The following PPIG variants were observed in gnomAD, a reference collection of about 807,000 sequenced individuals.
PPIG encodes peptidylprolyl isomerase G, also known as peptidyl-prolyl cis-trans isomerase G.
A neutral mutation model predicts 87.9 loss-of-function variants in PPIG; 26 were observed. The observed-to-expected ratio is 0.30, with a 90% CI of 0.22 to 0.41. PPIG has a LOEUF of 0.41. Among genes scored for constraint, PPIG ranks in the 10% least tolerant of loss-of-function variants. PPIG has a pLI of 1.00. For missense variants in PPIG, 722 were observed against 879.4 expected (o/e 0.82, Z 2.26); for synonymous variants, 308 against 276.5 (o/e 1.11, Z -1.13).
intron 9 of PPIG, among the ~76,000 whole-genome samples, chr2:169,627,391 C>T (rs902271388): frequency 7.9e-5 from 12 of 152,208 alleles, no homozygotes; most frequent in African/African-American, 2.7e-4. Context: ...GCCACTGCAC[C>T]CAGACTTTTC....
chr2:169,586,619 A>C (rs114827660), intron 1 of PPIG, among the ~76,000 whole-genome samples: 324 of 152,256 alleles, frequency 2.1e-3, no homozygotes, highest in African/African-American at 7.4e-3. Context: ...ATTTTGCCTT[A>C]AATTAGATTT....
Position 169,600,076 on chromosome 2 carries a change from A to C in PPIG, c.-69-3566A>C, listed in dbSNP as rs1685137397. 2.1e-5 allele frequency among the ~76,000 whole-genome samples: 3 copies of C among 140,270 alleles called. No homozygotes were observed. The South Asian group carries it at 6.8e-4, about 32-fold the overall frequency. 92.0% of individuals were successfully genotyped at this position (140,270 alleles called of 152,430 possible). A position where few individuals can be genotyped will look rare whatever the true frequency, so the allele number is the denominator to read the frequency against. On this transcript the variant is annotated intron_variant, in intron 1 of 13. Coordinates refer to ENST00000260970, the MANE Select transcript of PPIG (RefSeq NM_004792.3). ...GTACACATTTTGTGAGAGGAAAAAAAAATTTTTTTTTTTTTTTTGAAACGG... is the reference window on the plus strand; with the variant it reads ...GTACACATTTTGTGAGAGGAAAAAACAATTTTTTTTTTTTTTTTGAAACGG...
chr2:169,606,205 G>A (rs953474517), intron 5 of PPIG, 59 bp downstream of exon 5: 1 of 1,266,732 alleles, frequency 7.9e-7, no homozygotes, highest in Non-Finnish European at 1.2e-6. Flanking sequence ...CTCAAAGTTA[G>A]ACAAGTCCCT....
At position 169,637,743 on chromosome 2, in the gene PPIG, C is replaced by T. The variant is rs1405197522; in HGVS notation, c.*220C>T. The T allele has an allele frequency of 2.1e-6, 1 of 479,612 alleles. No homozygotes were observed. The highest frequency in any genetic ancestry group is 2.0e-5 in the African/African-American group (1 of 50,440). 29.7% of individuals were successfully genotyped at this position (479,612 alleles called of 1,614,324 possible). ...TTTAATAAACTCGACATGAGAAAAA[C>T]ACTTTGGTGTAGTACTGTGTGCTGT... On this transcript the variant is annotated 3_prime_UTR_variant, in exon 14 of 14. Coordinates refer to ENST00000260970, the MANE Select transcript of PPIG (RefSeq NM_004792.3).
intron 9 of PPIG, among the ~76,000 whole-genome samples, chr2:169,630,265 G>A (rs1218644860): frequency 6.6e-6 from 1 of 151,798 alleles, no homozygotes; most frequent in Non-Finnish European, 1.5e-5. Context: ...ACTTCCCTCT[G>A]TTATGAGTCT....
chr2:169,604,760 G>A (rs755004871), intron 4 of PPIG, among the ~76,000 whole-genome samples: 1 of 151,780 alleles, frequency 6.6e-6, no homozygotes, highest in Non-Finnish European at 1.5e-5. Context: ...TGTAGTCCCA[G>A]CTATTTGGGA....
At chr2:169,592,184 C>A (rs1347915800) in intron 1 of PPIG, among the ~76,000 whole-genome samples, 1 of 150,450 alleles carries the variant, frequency 6.6e-6, no homozygotes, top group Non-Finnish European at 1.5e-5. Flanking sequence ...CTTAATTTTC[C>A]CCTGAATCAT....
chr2:169,634,391 C>G (rs1574466207), intron 12 of PPIG, among the ~76,000 whole-genome samples: 1 of 152,196 alleles, frequency 6.6e-6, no homozygotes, highest in East Asian at 1.9e-4. Flanking sequence ...ACTGTAGTAC[C>G]TCAGGGTTCC....
At position 169,586,944 on chromosome 2, in the gene PPIG, A is replaced by T. The variant is rs1300030592; in HGVS notation, c.-70+2454A>T. Among the ~76,000 whole-genome samples the T allele has an allele frequency of 5.3e-5, 8 of 151,744 alleles. No individual in the cohort carries two copies. In the East Asian group the frequency reaches 1.6e-3, roughly 29 times the overall value. ...GCATGCTTTTTGCTTTTATTTATTT[A>T]TTTTTTTCAGACAGAGTCTTGCTCT... On this transcript the variant is annotated intron_variant, in intron 1 of 13. Coordinates refer to ENST00000260970, the MANE Select transcript of PPIG (RefSeq NM_004792.3).
chr2:169,636,800 T>G lies in PPIG; in HGVS notation c.1542T>G (p.Ser514Arg). ...SDSKGKDQER[S>R]RSKEKSKQLE... ...CTAAAGGAAAAGATCAGGAAAGGAG[T>G]AGAAGTAAAGAGAAGTCTAAACAGT... The change falls in exon 14 of 14, where the codon AGT becomes AGG. Residue 514 changes from serine to arginine, a missense_variant. Coordinates refer to ENST00000260970, the MANE Select transcript of PPIG (RefSeq NM_004792.3). 6.2e-7 allele frequency: 1 copy of G among 1,608,270 alleles called. No individual in the cohort carries two copies. Among genetic ancestry groups the G allele is most frequent in the Non-Finnish European group, 8.5e-7 (1 of 1,178,110 alleles).
chr2:169,604,326 G>GTT, intron 4 of PPIG, 65 bp downstream of exon 4: 3 of 488,280 alleles, frequency 6.1e-6, no homozygotes, highest in African/African-American at 3.9e-5. Context: ...TTGCTTGCTT[G>GTT]GTTTTTTTTT....
intron 1 of PPIG, among the ~76,000 whole-genome samples, chr2:169,594,839 G>C (rs754114350): frequency 2.0e-5 from 3 of 151,902 alleles, no homozygotes; most frequent in Non-Finnish European, 2.9e-5. Flanking sequence ...TGTTGGGCTG[G>C]CTAGTCTTGA....
At chr2:169,590,457 G>A (rs1201590427) in intron 1 of PPIG, among the ~76,000 whole-genome samples, 1 of 152,018 alleles carries the variant, frequency 6.6e-6, no homozygotes, top group African/African-American at 2.4e-5. Context: ...TAGCTAACAC[G>A]GTGAAACCCC....
At chr2:169,614,208 AG>A in intron 7 of PPIG, among the ~76,000 whole-genome samples, 1 of 152,340 alleles carries the variant, frequency 6.6e-6, no homozygotes, top group Middle Eastern at 3.4e-3. Context: ...TGTCTATTTT[AG>A]TTACATAAAA....
At position 169,612,061 on chromosome 2, in the gene PPIG, A is replaced by C. The variant is rs1558893285; in HGVS notation, c.378-2403A>C. On this transcript the variant is annotated intron_variant, in intron 7 of 13. Coordinates refer to ENST00000260970, the MANE Select transcript of PPIG (RefSeq NM_004792.3). ...CACAATCATAGCTCACTGCGGCCTC[A>C]AACTCCTAGGCTCAAGTGATCCTAC... Among the ~76,000 whole-genome samples the C allele has an allele frequency of 2.6e-5, 4 of 151,618 alleles. No homozygotes were observed. In the South Asian group the frequency reaches 8.3e-4, roughly 32 times the overall value.
At chr2:169,615,419 A>C (rs1685586869) in intron 9 of PPIG, among the ~76,000 whole-genome samples, 1 of 152,224 alleles carries the variant, frequency 6.6e-6, no homozygotes, top group Non-Finnish European at 1.5e-5. Context: ...TCTTGAACTC[A>C]TTCCTCTGAG....
At chr2:169,625,357 T>C (rs1274524444) in intron 9 of PPIG, among the ~76,000 whole-genome samples, 2 of 152,232 alleles carry the variant, frequency 1.3e-5, no homozygotes, top group Admixed American at 1.3e-4. Flanking sequence ...AATGTTGATC[T>C]TGTAGAATGA....
intron 7 of PPIG, among the ~76,000 whole-genome samples, chr2:169,609,168 A>G (rs990220251): frequency 3.3e-5 from 5 of 151,730 alleles, no homozygotes; most frequent in Non-Finnish European, 5.9e-5. Context: ...AGAGGAATCT[A>G]TGAGGGACGG....
intron 1 of PPIG, among the ~76,000 whole-genome samples, chr2:169,593,795 C>T (rs940898587): frequency 4.7e-5 from 7 of 149,202 alleles, no homozygotes; most frequent in Admixed American, 1.4e-4. Context: ...TACAGGCGCC[C>T]GCCACCATGC....
Sources: allele counts gnomAD v4.1 joint callset (sites outside exome capture counted in the v4.1 genomes callset), GRCh38; gene constraint gnomAD v4.1.1; transcripts MANE v1.5; gene names NCBI Gene and HGNC (gene_info 2026-07-23, HGNC 2026-07-21).